Variants in PILRA observed in about 807,000 individuals in gnomAD.
PILRA encodes paired immunoglobulin-like type 2 receptor alpha.
In PILRA, 37 loss-of-function variants were observed where a neutral mutation model predicts 33.1. The ratio of observed to expected loss-of-function variants is 1.12; its 90% CI spans 0.86 to 1.47. The LOEUF (loss-of-function observed/expected upper bound fraction) is 1.47. PILRA is among the 40% of genes most tolerant of loss of function. PILRA has a pLI of 0.00. For synonymous variants in PILRA, 146 were observed against 149.9 expected, an observed-to-expected ratio of 0.97 and a Z score of 0.19; for missense variants, 312 against 376.2, an observed-to-expected ratio of 0.83 and a Z score of 1.41.
intron 2 of PILRA, among the ~76,000 whole-genome samples, chr7:100,384,594 C>A (rs1791214671): frequency 6.6e-6 from 1 of 151,620 alleles, no homozygotes; most frequent in African/African-American, 2.4e-5. Context: ...GATGGGGTTT[C>A]ACCATATTGC....
At chr7:100,395,300 C>T (rs759162906) in intron 3 of PILRA, among the ~76,000 whole-genome samples, 42 of 152,056 alleles carry the variant, frequency 2.8e-4, no homozygotes, top group Admixed American at 1.5e-3. Flanking sequence ...CTCTGCCAAA[C>T]GGATTAATGC....
intron 2 of PILRA, among the ~76,000 whole-genome samples, chr7:100,386,909 A>T (rs1791266680): frequency 1.3e-5 from 2 of 152,086 alleles, no homozygotes; most frequent in East Asian, 3.8e-4. Context: ...AAATGGATTC[A>T]AATTGCATAG....
chr7:100,382,730 T>C (rs903852566), intron 2 of PILRA, among the ~76,000 whole-genome samples: 1 of 152,166 alleles, frequency 6.6e-6, no homozygotes, highest in Non-Finnish European at 1.5e-5. Flanking sequence ...TTTTGCTTTT[T>C]GCACTAAGTC....
chr7:100,387,395 G>A (rs1791278168), intron 2 of PILRA, among the ~76,000 whole-genome samples: 1 of 151,910 alleles, frequency 6.6e-6, no homozygotes, highest in South Asian at 2.1e-4. Context: ...TGTATTTTTA[G>A]TAGAGATGGG....
chr7:100,374,616 C>T (rs1790904620), intron 2 of PILRA, 183 bp downstream of exon 2: 8 of 692,932 alleles, frequency 1.2e-5, no homozygotes, highest in Non-Finnish European at 2.0e-5. Flanking sequence ...CTTGTCTCCA[C>T]AACTGATCTG....
At chr7:100,376,099 G>A (rs1376139266) in intron 2 of PILRA, 1 of 152,190 alleles carries the variant, frequency 6.6e-6, no homozygotes, top group African/African-American at 2.4e-5. Flanking sequence ...CAATGCCAGG[G>A]ATAAATTACT....
Position 100,373,665 on chromosome 7 carries a change from G to A in PILRA, c.9G>A (p.Arg3=). The change falls in exon 1 of 7, where the codon CGG becomes CGA. Residue 3 remains arginine (R), a synonymous_variant. Transcript: ENST00000198536. MG[R]PLLLPLLPLL... is the part of the protein sequence containing the mutation. ...TGGAGAAGAACAAGGCCATGGGTCG[G>A]CCCCTGCTGCTGCCCCTACTGCCCT... 1 of 1,613,516 alleles carries A rather than the reference G, an allele frequency of 6.2e-7. No individual in the cohort carries two copies. The highest frequency in any genetic ancestry group is 1.1e-5 in the South Asian group (1 of 91,092).
intron 4 of PILRA, among the ~76,000 whole-genome samples, chr7:100,398,847 A>G (rs1419779805): frequency 6.6e-6 from 1 of 151,772 alleles, no homozygotes; most frequent in Non-Finnish European, 1.5e-5. Flanking sequence ...CGAGTCTAAA[A>G]CCATCACACC....
At chr7:100,389,579 A>C (rs1021754831) in intron 2 of PILRA, among the ~76,000 whole-genome samples, 40 of 145,890 alleles carry the variant, frequency 2.7e-4, no homozygotes, top group Non-Finnish European at 5.1e-4. Flanking sequence ...ATAAAATTAA[A>C]GGAAGGAAGA....
At position 100,399,624 on chromosome 7, in the gene PILRA, G is replaced by A. The variant is rs1204085061; in HGVS notation, c.789+12G>A. On this transcript the variant is annotated intron_variant, in intron 6 of 6. Transcript: ENST00000198536. ...AGCTAAATCCCAAGGTAAGCAATCA[G>A]ACCAGGGCCTGAAGGAATTAAAGAG... 1 of 1,613,958 alleles carries A rather than the reference G, an allele frequency of 6.2e-7. No individual in the cohort carries two copies. The highest frequency in any genetic ancestry group is 8.5e-7 in the Non-Finnish European group (1 of 1,179,974).
intron 2 of PILRA, among the ~76,000 whole-genome samples, chr7:100,381,952 C>A (rs911966639): frequency 6.6e-6 from 1 of 152,288 alleles, no homozygotes; most frequent in South Asian, 2.1e-4. Context: ...TTAGCTGCCT[C>A]CCGGCAGGGC....
intron 2 of PILRA, among the ~76,000 whole-genome samples, chr7:100,375,288 C>T (rs941201588): frequency 6.6e-5 from 10 of 152,220 alleles, no homozygotes; most frequent in African/African-American, 1.9e-4. Context: ...CAAATCGCTT[C>T]GTGTGCATTG....
At chr7:100,397,099 A>G (rs1791511529) in intron 3 of PILRA, among the ~76,000 whole-genome samples, 1 of 151,292 alleles carries the variant, frequency 6.6e-6, no homozygotes, top group South Asian at 2.1e-4. Context: ...CTAGCAATTA[A>G]TATTTCAGAG....
chr7:100,385,382 A>C lies in PILRA; in HGVS notation c.455-4506A>C, dbSNP rs925460210. On this transcript the variant is annotated intron_variant, in intron 2 of 6. Transcript: ENST00000198536. ...AAAAGTGTTAAATTTAAAAACTAAT[A>C]AAAGTACTGGTAATACTTACACATA... Among the ~76,000 whole-genome samples, 5 of 152,336 alleles carry C rather than the reference A, an allele frequency of 3.3e-5. No individual in the cohort carries two copies. The South Asian group carries it at 1.0e-3, about 32-fold the overall frequency.
intron 2 of PILRA, among the ~76,000 whole-genome samples, chr7:100,382,553 C>T (rs755753858): frequency 2.0e-5 from 3 of 152,116 alleles, no homozygotes; most frequent in East Asian, 1.9e-4. Flanking sequence ...CCTGTCAAAA[C>T]GGACCAATCA....
Position 100,374,136 on chromosome 7 carries a change from T to A in PILRA, c.157T>A (p.Phe53Ile), listed in dbSNP as rs528988734. 5 of 1,614,138 alleles carry A rather than the reference T, an allele frequency of 3.1e-6. No individual in the cohort carries two copies. The African/African-American group carries it at 4.0e-5, about 13-fold the overall frequency. The change falls in exon 2 of 7, where the codon TTC (phenylalanine) becomes ATC (isoleucine). Residue 53 changes from phenylalanine (F) to isoleucine (I), a missense_variant. Transcript: ENST00000198536. ...ASMGGSVEIP[F>I]SFYYPWELAT... ...CATGGGTGGCTCTGTGGAAATCCCC[T>A]TCTCCTTCTATTACCCCTGGGAGTT...
chr7:100,399,190 C>G, intron 4 of PILRA, 101 bp from the exon 5 acceptor site: 1 of 750,740 alleles, frequency 1.3e-6, no homozygotes, highest in Non-Finnish European at 2.3e-6. Flanking sequence ...GGCCACCTGC[C>G]TCAGTCTCCC....
intron 3 of PILRA, among the ~76,000 whole-genome samples, chr7:100,390,370 A>G (rs951282007): frequency 1.1e-4 from 17 of 151,070 alleles, no homozygotes; most frequent in African/African-American, 3.9e-4. Context: ...TCACTCATCT[A>G]CCTCCCCTGA....
intron 4 of PILRA, 102 bp downstream of exon 4, chr7:100,398,014 G>T: frequency 8.8e-7 from 1 of 1,132,164 alleles, no homozygotes; most frequent in South Asian, 1.3e-5. Context: ...CACAAACCCA[G>T]CCTGCCACGG....
Sources: gnomAD v4.1 joint callset for allele counts (sites outside exome capture counted in the v4.1 genomes callset) on GRCh38, gnomAD v4.1.1 for gene constraint, MANE v1.5 for transcripts, NCBI Gene and HGNC (gene_info 2026-07-23, HGNC 2026-07-21) for gene names.